DYNC2LI1: variants seen among roughly 807,000 people sequenced by gnomAD.
The protein encoded by DYNC2LI1 is cytoplasmic dynein 2 light intermediate chain 1.
In DYNC2LI1, 45 loss-of-function variants were observed where a neutral mutation model predicts 51.9. The ratio of observed to expected loss-of-function variants is 0.87; its 90% CI spans 0.68 to 1.11. The LOEUF is 1.11. Among genes scored for constraint, DYNC2LI1 ranks in the 50% most tolerant of loss-of-function variants. DYNC2LI1 has a pLI of 0.00. For synonymous variants in DYNC2LI1, 130 were observed against 137.8 expected, an observed-to-expected ratio of 0.94 and a Z score of 0.40; for missense variants, 490 against 417.4, an observed-to-expected ratio of 1.17 and a Z score of -1.51.
chr2:43,801,522 C>A, intron 9 of DYNC2LI1, 117 bp from the exon 10 acceptor site: 1 of 632,754 alleles, frequency 1.6e-6, no homozygotes, highest in Non-Finnish European at 2.7e-6. Flanking sequence ...CGGGGCAATG[C>A]TCTCATTAGT....
intron 2 of DYNC2LI1, among the ~76,000 whole-genome samples, chr2:43,779,422 A>C (rs1361350476): frequency 1.3e-5 from 2 of 152,226 alleles, no homozygotes; most frequent in African/African-American, 4.8e-5. Context: ...CCTTCCAACC[A>C]TCTGTTCATC....
chr2:43,819,932 A>C, the DYNC2LI1 span: 1 of 1,614,200 alleles, frequency 6.2e-7, no homozygotes, highest in Non-Finnish European at 8.5e-7. Flanking sequence ...ATCCAGATCC[A>C]ACAAGCACCC....
At chr2:43,822,632 A>G in the DYNC2LI1 span, 4 of 983,838 alleles carry the variant, frequency 4.1e-6, no homozygotes, top group Non-Finnish European at 4.8e-6. Flanking sequence ...GCTATTTACA[A>G]TAAAATTAAT....
chr2:43,824,747 G>A, the DYNC2LI1 span: 1 of 1,450,058 alleles, frequency 6.9e-7, no homozygotes, highest in Admixed American at 2.2e-5. Context: ...CATTGACCCG[G>A]CCAAATTGAT....
rs752918000 is a variant in DYNC2LI1 at position 43,776,910 on chromosome 2, CTTT to C, written c.126+16_126+18del. 3.0e-6 allele frequency: 4 copies of C among 1,316,204 alleles called. No homozygotes were observed. In the African/African-American group the frequency reaches 6.0e-5, roughly 20 times the overall value. The allele number at this position is 1,316,204 out of a possible 1,614,324, so 81.5% of individuals were successfully genotyped here. On this transcript the variant is annotated intron_variant, in intron 2 of 12. Coordinates refer to ENST00000260605, the MANE Select transcript of DYNC2LI1 (RefSeq NM_016008.4). Reference sequence around the variant, plus strand: ...GGCAGTAAAAATGGGGTAATGCTTTCTTTTTTTCAATTATTGTGATGATTTAAC... The same window carrying C: ...GGCAGTAAAAATGGGGTAATGCTTTCTTTTCAATTATTGTGATGATTTAAC...
At chr2:43,788,323 C>CA (rs1673617899) in intron 4 of DYNC2LI1, among the ~76,000 whole-genome samples, 1 of 152,166 alleles carries the variant, frequency 6.6e-6, no homozygotes, top group Non-Finnish European at 1.5e-5. Context: ...AATATATATT[C>CA]ACCTAAAACT....
At chr2:43,775,218 C>T (rs1242385448) in intron 1 of DYNC2LI1, among the ~76,000 whole-genome samples, 1 of 152,058 alleles carries the variant, frequency 6.6e-6, no homozygotes, top group Non-Finnish European at 1.5e-5. Flanking sequence ...ATATTAGGTG[C>T]TCAATAAATA....
intron 6 of DYNC2LI1, chr2:43,795,092 A>G (rs900083353): frequency 5.7e-5 from 57 of 1,005,382 alleles, no homozygotes; most frequent in Non-Finnish European, 6.4e-5. Flanking sequence ...GTATCTTTTT[A>G]TCATCTGACA....
chr2:43,776,343 C>CA (rs1673020849), intron 1 of DYNC2LI1, among the ~76,000 whole-genome samples: 1 of 151,938 alleles, frequency 6.6e-6, no homozygotes, highest in Admixed American at 6.6e-5. Context: ...ATCTAAAACA[C>CA]AAAAAAGAAA....
rs757227264 is a variant in DYNC2LI1 at position 43,794,473 on chromosome 2, C to G, written c.337C>G (p.Leu113Val). ...GDTLRTFSLVLVLDLSKPNDL... is the reference protein window; with the variant it reads ...GDTLRTFSLVVVLDLSKPNDL... Reference sequence around the variant, plus strand: ...TTTCTTTAGGACGTTTTCTCTTGTTCTCGTTCTGGATCTTTCAAAACCTAA... The same window carrying G: ...TTTCTTTAGGACGTTTTCTCTTGTTGTCGTTCTGGATCTTTCAAAACCTAA... The change falls in exon 6 of 13, where the codon CTC becomes GTC. Residue 113 changes from leucine to valine, a missense_variant. Transcript: ENST00000260605. 2.5e-6 allele frequency: 4 copies of G among 1,609,204 alleles called. No individual in the cohort carries two copies. The highest frequency in any genetic ancestry group is 3.4e-6 in the Non-Finnish European group (4 of 1,177,734).
Position 43,774,064 on chromosome 2 carries a change from G to C in DYNC2LI1, c.-75G>C. 6.2e-7 allele frequency: 1 copy of C among 1,600,878 alleles called. No homozygotes were observed. Among genetic ancestry groups the C allele is most frequent in the Non-Finnish European group, 8.5e-7 (1 of 1,173,760 alleles). ...AGAAGGCCTCACTCCCAGACTCCTT[G>C]CGGAGCTCGCCGCCTGATTCTAGGC... is the stretch of plus-strand genomic sequence containing the variant. On this transcript the variant is annotated 5_prime_UTR_variant, in exon 1 of 13. Coordinates refer to ENST00000260605, the MANE Select transcript of DYNC2LI1 (RefSeq NM_016008.4).
chr2:43,825,046 T>G, the DYNC2LI1 span: 1 of 1,612,096 alleles, frequency 6.2e-7, no homozygotes, highest in Non-Finnish European at 8.5e-7. Context: ...GTAGTTAGTG[T>G]GTGATCACAA....
Position 43,783,044 on chromosome 2 carries a change from TAAAAC to T in DYNC2LI1, c.127-472_127-468del, listed in dbSNP as rs548679641. ...TTGGAATAAGTACATCCTCTGGACT[TAAAAC>T]AAATTACTCTAATGCAGTATCTGAA... On this transcript the variant is annotated intron_variant, in intron 2 of 12. Coordinates refer to ENST00000260605, the MANE Select transcript of DYNC2LI1 (RefSeq NM_016008.4). Among the ~76,000 whole-genome samples the T allele has an allele frequency of 1.2e-4, 18 of 152,320 alleles. No individual in the cohort carries two copies. The East Asian group carries it at 1.3e-3, about 11-fold the overall frequency.
chr2:43,795,947 G>T lies in DYNC2LI1; in HGVS notation c.565G>T (p.Asp189Tyr), dbSNP rs750872890. The T allele has an allele frequency of 7.4e-6, 12 of 1,612,924 alleles. No homozygotes were observed. Among genetic ancestry groups the T allele is most frequent in the African/African-American group, 1.3e-5 (1 of 74,888 alleles). ...VPLVIIGSKY[D>Y]VFQDFESEKR... ...TCTGGTCATAATTGGAAGTAAATAT[G>T]ATGTTTTTCAGGTAAGCTCTTCCGC... is the stretch of plus-strand genomic sequence containing the variant. Residue 189 changes from aspartate (D) to tyrosine (Y), a missense_variant, in exon 7 of 13, where the codon GAT becomes TAT. Coordinates refer to ENST00000260605, the MANE Select transcript of DYNC2LI1 (RefSeq NM_016008.4).
downstream of DYNC2LI1, chr2:43,814,733 A>G: frequency 1.7e-6 from 1 of 590,588 alleles, no homozygotes; most frequent in Non-Finnish European, 3.0e-6. Flanking sequence ...CTATAAAAAA[A>G]CCTTCAAACA....
At chr2:43,788,801 T>TA (rs1454599186) in intron 4 of DYNC2LI1, among the ~76,000 whole-genome samples, 3 of 152,068 alleles carry the variant, frequency 2.0e-5, no homozygotes, top group Non-Finnish European at 4.4e-5. Context: ...TCAGCTAATT[T>TA]AAAAAAATTG....
At chr2:43,795,558 A>G (rs1673996818) in intron 6 of DYNC2LI1, among the ~76,000 whole-genome samples, 1 of 152,168 alleles carries the variant, frequency 6.6e-6, no homozygotes, top group Admixed American at 6.5e-5. Context: ...AACAAAACAA[A>G]TCTATGCTGG....
chr2:43,774,567 G>A (rs1312024474), intron 1 of DYNC2LI1, among the ~76,000 whole-genome samples: 1 of 152,132 alleles, frequency 6.6e-6, no homozygotes, highest in Non-Finnish European at 1.5e-5. Flanking sequence ...ACTTTTAAGG[G>A]GGGAAACGGG....
chr2:43,824,754 T>A, the DYNC2LI1 span: 1 of 1,464,428 alleles, frequency 6.8e-7, no homozygotes, highest in Non-Finnish European at 9.2e-7. Context: ...CCGGCCAAAT[T>A]GATTCCTTGA....
Sources: allele counts gnomAD v4.1 joint callset (sites outside exome capture counted in the v4.1 genomes callset), GRCh38; gene constraint gnomAD v4.1.1; transcripts MANE v1.5; gene names NCBI Gene and HGNC (gene_info 2026-07-23, HGNC 2026-07-21).